STOX2: variants seen among roughly 807,000 people sequenced by gnomAD.
STOX2 encodes storkhead-box protein 2.
A neutral mutation model predicts 60.9 loss-of-function variants in STOX2; 28 were observed. The observed-to-expected ratio is 0.46, with a 90% CI of 0.34 to 0.63. STOX2 has a LOEUF of 0.63. STOX2 is among the 30% of genes least tolerant of loss of function. The probability of loss-of-function intolerance (pLI) is 0.01; values close to 1 mark genes in which losing one functional copy is unlikely to be tolerated. For synonymous variants in STOX2, 472 were observed against 463.9 expected, an observed-to-expected ratio of 1.02 and a Z score of -0.22; for missense variants, 1,024 against 1,187.7, an observed-to-expected ratio of 0.86 and a Z score of 2.03.
At chr4:183,904,678 G>C (rs1413256035), upstream of STOX2, among the ~76,000 whole-genome samples, 2 of 152,220 alleles carry the variant, frequency 1.3e-5, no homozygotes, top group African/African-American at 4.8e-5. Context: ...GTGGCCACAG[G>C]TTATAGAGGG....
intron 1 of STOX2, among the ~76,000 whole-genome samples, chr4:183,874,123 G>C (rs1477147521): frequency 6.6e-6 from 1 of 152,164 alleles, no homozygotes; most frequent in Non-Finnish European, 1.5e-5. Flanking sequence ...CTCAGATGTG[G>C]TTGTACCAAT....
At chr4:183,893,549 C>G (rs1291335366) in intron 1 of STOX2, among the ~76,000 whole-genome samples, 1 of 152,150 alleles carries the variant, frequency 6.6e-6, no homozygotes. Flanking sequence ...CTTCACCCTT[C>G]TAGTCGGGGT....
chr4:183,874,991 A>G (rs4862261), intron 1 of STOX2, among the ~76,000 whole-genome samples: 21,896 of 83,984 alleles, frequency 0.26, 3,424 homozygotes, highest in East Asian at 0.41. Flanking sequence ...ATATATATAT[A>G]TAAAACTTAG....
intron 1 of STOX2, among the ~76,000 whole-genome samples, chr4:183,824,730 G>C (rs1560832638): frequency 6.6e-6 from 1 of 152,192 alleles, no homozygotes; most frequent in East Asian, 1.9e-4. Context: ...GATTTATTTA[G>C]TATGTATTAT....
intron 1 of STOX2, among the ~76,000 whole-genome samples, chr4:183,951,226 AAAAAAAAAAAAAGAC>A (rs1250425162): frequency 3.4e-5 from 5 of 147,546 alleles, no homozygotes; most frequent in Admixed American, 3.4e-4. Context: ...AAAAAAAAGA[AAAAAAAAAAAAAGAC>A]AGTAGTGCAA....
At chr4:183,989,659 T>C (rs1414531175) in intron 1 of STOX2, among the ~76,000 whole-genome samples, 1 of 152,218 alleles carries the variant, frequency 6.6e-6, no homozygotes, top group East Asian at 1.9e-4. Flanking sequence ...TGCTGTTAAC[T>C]GCTAAGGAAG....
Position 184,011,505 on chromosome 4 carries a change from T to G in STOX2, c.2585+82T>G. On this transcript the variant is annotated intron_variant, in intron 3 of 3. Transcript: ENST00000308497. The surrounding 1 kb of genome is among the most constrained non-coding windows in gnomAD (Gnocchi z 4.4). ...GCACGTAACTTGACAAGTTTCTGATTTCGTAGTCTCAGTTCTATGGATGAG... is the reference window on the plus strand; with the variant it reads ...GCACGTAACTTGACAAGTTTCTGATGTCGTAGTCTCAGTTCTATGGATGAG... 6.3e-7 allele frequency: 1 copy of G among 1,582,736 alleles called. No homozygotes were observed. Among genetic ancestry groups the G allele is most frequent in the Non-Finnish European group, 8.6e-7 (1 of 1,162,254 alleles).
At position 183,819,030 on chromosome 4, in the gene STOX2, G is replaced by A. The variant is rs563069840; in HGVS notation, c.364+20975G>A. Among the ~76,000 whole-genome samples the A allele has an allele frequency of 7.3e-4, 110 of 151,718 alleles. 1 individual carries two copies. The highest frequency in any genetic ancestry group is 2.4e-3 in the African/African-American group (99 of 41,332). ...CTCCTCACTTCCTAGATGGGATGGC[G>A]GCTGGGCAGAGACGCTCCTCACTTT... On this transcript the variant is annotated intron_variant, in intron 1 of 2. Coordinates refer to the STOX2 transcript ENST00000513034.
upstream of STOX2, among the ~76,000 whole-genome samples, chr4:183,904,050 C>T (rs1454232943): frequency 6.6e-6 from 1 of 152,208 alleles, no homozygotes; most frequent in Non-Finnish European, 1.5e-5. Flanking sequence ...AGTGATAGAT[C>T]ATCAGGCATT....
In STOX2 at chr4:184,010,638, T is replaced by C. The variant is rs1231249060; in HGVS notation, c.1800T>C (p.Tyr600=). Residue 600 remains tyrosine (Y), a synonymous_variant, in exon 3 of 4, where the codon TAT becomes TAC. Coordinates refer to ENST00000308497, the MANE Select transcript of STOX2 (RefSeq NM_020225.3). This position sits in a 1 kb window ranked among gnomAD's most constrained non-coding sequence, Gnocchi z 4.5. The part of the protein sequence containing the change: ...SCPTKTATDD[Y]FQCNTSSETV... ...CAACAAAAACAGCCACAGATGACTA[T>C]TTCCAGTGCAACACCTCTAGTGAGA... The C allele has an allele frequency of 6.2e-7, 1 of 1,614,018 alleles. No individual in the cohort carries two copies. The highest frequency in any genetic ancestry group is 2.2e-5 in the East Asian group (1 of 44,880).
chr4:183,924,255 G>A (rs904066552), intron 1 of STOX2, among the ~76,000 whole-genome samples: 26 of 152,154 alleles, frequency 1.7e-4, no homozygotes, highest in African/African-American at 5.8e-4. Flanking sequence ...ATCCATTCTT[G>A]CCTTGAAGGC....
intron 1 of STOX2, among the ~76,000 whole-genome samples, chr4:184,000,121 A>G (rs1733522209): frequency 6.6e-6 from 1 of 152,158 alleles, no homozygotes; most frequent in East Asian, 1.9e-4. Context: ...CAGGTATAAA[A>G]CAGGTGGCAC....
intron 1 of STOX2, among the ~76,000 whole-genome samples, chr4:183,838,385 T>G (rs1426418591): frequency 6.6e-6 from 1 of 151,900 alleles, no homozygotes; most frequent in Non-Finnish European, 1.5e-5. Context: ...ATAAAATATT[T>G]CAAATATTTT....
At chr4:184,016,588 G>A (rs1734385647) in intron 3 of STOX2, among the ~76,000 whole-genome samples, 1 of 152,046 alleles carries the variant, frequency 6.6e-6, no homozygotes, top group Non-Finnish European at 1.5e-5. Context: ...AAATGCCCAG[G>A]GTCCCCCAAA....
chr4:183,808,180 C>G (rs1251311970), intron 1 of STOX2, among the ~76,000 whole-genome samples: 1 of 152,224 alleles, frequency 6.6e-6, no homozygotes, highest in Non-Finnish European at 1.5e-5. Context: ...GCTCAGTGAA[C>G]TCTGCGGCGC....
intron 1 of STOX2, among the ~76,000 whole-genome samples, chr4:183,874,510 A>G (rs1740765935): frequency 6.6e-6 from 1 of 152,136 alleles, no homozygotes; most frequent in South Asian, 2.1e-4. Flanking sequence ...ATTATTAATG[A>G]GCTTTTACCT....
At chr4:183,805,786 G>C (rs4862256) in intron 1 of STOX2, among the ~76,000 whole-genome samples, 139,688 of 152,246 alleles carry the variant, frequency 0.92, 65,316 homozygotes, top group East Asian at 1. Flanking sequence ...GCAGTCTAGC[G>C]TGGGTGACAG....
At chr4:183,913,669 G>A (rs1741848402) in intron 1 of STOX2, among the ~76,000 whole-genome samples, 2 of 152,172 alleles carry the variant, frequency 1.3e-5, no homozygotes. Context: ...TACTCGGGAG[G>A]CTGAGGCAGG....
intron 1 of STOX2, among the ~76,000 whole-genome samples, chr4:183,944,627 T>C (rs1742838019): frequency 6.6e-6 from 1 of 152,168 alleles, no homozygotes; most frequent in Non-Finnish European, 1.5e-5. Context: ...GCCAGGAGAA[T>C]TGCTGGAGCC....
Sources: allele counts gnomAD v4.1 joint callset (sites outside exome capture counted in the v4.1 genomes callset), GRCh38; gene constraint gnomAD v4.1.1; non-coding constraint Gnocchi (gnomAD v3.1); transcripts MANE v1.5; gene names NCBI Gene and HGNC (gene_info 2026-07-23, HGNC 2026-07-21).